The following SYT7 variants were observed in gnomAD, a reference collection of about 807,000 sequenced individuals.
SYT7 encodes synaptotagmin 7, also known as synaptotagmin-7.
A neutral mutation model predicts 75.1 loss-of-function variants in SYT7; 29 were observed. The ratio of observed to expected loss-of-function variants is 0.39; its 90% confidence interval spans 0.29 to 0.53. The LOEUF (loss-of-function observed/expected upper bound fraction) is 0.53, where lower values mean the gene tolerates loss of function less well. Ranked by LOEUF, SYT7 falls within the 20% of genes least tolerant of loss-of-function variation. The pLI is 0.77. For synonymous variants in SYT7, 376 were observed against 401.7 expected (o/e 0.94, Z 0.76); for missense variants, 693 against 953.2 (o/e 0.73, Z 3.59).
Position 61,580,436 on chromosome 11 carries a change from C to T in SYT7, c.31+354G>A, listed in dbSNP as rs554704449. On this transcript the variant is annotated intron_variant, in intron 1 of 12. Transcript: ENST00000539008. This position sits in a 1 kb window ranked among gnomAD's most constrained non-coding sequence, Gnocchi z 6.1. ...CGCTGGCACCCCCGGGGCACCGGTG[C>T]TGGGGAGCCTCGGGTGCCTCTGAGG... Among the ~76,000 whole-genome samples the T allele has an allele frequency of 1.1e-3, 174 of 152,194 alleles. No homozygotes were observed. The highest frequency in any genetic ancestry group is 4.0e-3 in the African/African-American group (168 of 41,550).
chr11:61,580,303 C>T lies in SYT7; in HGVS notation c.31+487G>A, dbSNP rs977894089. ...GCTGCCGCACCAGATTCCCACTTGC[C>T]CCCTGGCACCCTCTCAATTCACAGT... On this transcript the variant is annotated intron_variant, in intron 1 of 12. Transcript: ENST00000539008. This position sits in a 1 kb window ranked among gnomAD's most constrained non-coding sequence, Gnocchi z 6.1. Among the ~76,000 whole-genome samples, 2 of 152,132 alleles carry T rather than the reference C, an allele frequency of 1.3e-5. No individual in the cohort carries two copies. Among genetic ancestry groups the T allele is most frequent in the African/African-American group, 2.4e-5 (1 of 41,436 alleles).
rs115692842 is a variant in SYT7 at position 61,565,672 on chromosome 11, C to T, written c.32-9465G>A. Among the ~76,000 whole-genome samples the T allele has an allele frequency of 7.7e-3, 1,171 of 152,366 alleles. 20 individuals are homozygous for T. The highest frequency in any genetic ancestry group is 0.027 in the African/African-American group (1,131 of 41,586). On this transcript the variant is annotated intron_variant, in intron 1 of 12. Coordinates refer to ENST00000539008, the MANE Select transcript of SYT7 (RefSeq NM_001365809.2). ...AAGCTGGGCCTTGGACCTACCCCCA[C>T]CCCATGCCCTCCGGACATTCTCTGA...
chr11:61,521,501 G>A (rs972533678), intron 12 of SYT7, among the ~76,000 whole-genome samples: 19 of 152,198 alleles, frequency 1.2e-4, no homozygotes, highest in Non-Finnish European at 2.4e-4. Context: ...GAGTGGCAAT[G>A]TCCTGGGGAG....
intron 1 of SYT7, among the ~76,000 whole-genome samples, chr11:61,573,376 C>T (rs900797355): frequency 2.0e-5 from 3 of 152,190 alleles, no homozygotes; most frequent in Non-Finnish European, 2.9e-5. Context: ...CCCTTACTGC[C>T]TATAATCTGC....
chr11:61,556,308 C>T, intron 1 of SYT7, 101 bp from the exon 2 acceptor site: 1 of 927,236 alleles, frequency 1.1e-6, no homozygotes, highest in South Asian at 1.6e-5. Flanking sequence ...TCCATCTGGC[C>T]CCTTCACTGG....
At position 61,553,640 on chromosome 11, in the gene SYT7, G is replaced by A. The variant is rs184789040; in HGVS notation, c.136-2177C>T. On this transcript the variant is annotated intron_variant, in intron 2 of 12. Transcript: ENST00000539008. This position sits in a 1 kb window ranked among gnomAD's most constrained non-coding sequence, Gnocchi z 5.2. ...AGGCCAGGACTTGATGTGGAGGGCAGGGGGACAACCCAAGTTAACAGGAAA... is the reference window on the plus strand; with the variant it reads ...AGGCCAGGACTTGATGTGGAGGGCAAGGGGACAACCCAAGTTAACAGGAAA... 1.3e-5 allele frequency among the ~76,000 whole-genome samples: 2 copies of A among 152,374 alleles called. No homozygotes were observed. Among genetic ancestry groups the A allele is most frequent in the Admixed American group, 6.5e-5 (1 of 15,306 alleles).
chr11:61,571,051 T>C (rs1391734474), intron 1 of SYT7, among the ~76,000 whole-genome samples: 1 of 152,240 alleles, frequency 6.6e-6, no homozygotes, highest in Non-Finnish European at 1.5e-5. Flanking sequence ...TTAAGTCAGT[T>C]GCCCAAGGCC....
At chr11:61,537,988 T>C (rs2062918276) in intron 7 of SYT7, among the ~76,000 whole-genome samples, 156 bp downstream of exon 7, 1 of 152,244 alleles carries the variant, frequency 6.6e-6, no homozygotes, top group Admixed American at 6.5e-5. Context: ...TGGCAGTGCG[T>C]GAGGGCACCG....
chr11:61,538,346 G>GA (rs2062932844), intron 6 of SYT7, 80 bp from the exon 7 acceptor site: 22 of 203,212 alleles, frequency 1.1e-4, no homozygotes, highest in Admixed American at 1.7e-4. Flanking sequence ...GGAGAGAGAG[G>GA]GAGAGAGAGA....
intron 8 of SYT7, chr11:61,530,880 C>T: frequency 2.0e-6 from 2 of 985,426 alleles, no homozygotes; most frequent in Non-Finnish European, 2.4e-6. Context: ...AGGTTGGCCA[C>T]CCCATCACAG....
Position 61,546,750 on chromosome 11 carries a change from A to C in SYT7, c.347+427T>G. On this transcript the variant is annotated intron_variant, in intron 4 of 12. Coordinates refer to ENST00000539008, the MANE Select transcript of SYT7 (RefSeq NM_001365809.2). This position sits in a 1 kb window ranked among gnomAD's most constrained non-coding sequence, Gnocchi z 7.6. Reference sequence around the variant, plus strand: ...CACCACCACCACCATCACCGCCACCACCGCCACGAACCACCGACCACCGAC... The same window carrying C: ...CACCACCACCACCATCACCGCCACCCCCGCCACGAACCACCGACCACCGAC... 1 of 418,702 alleles carries C rather than the reference A, an allele frequency of 2.4e-6. No homozygotes were observed. The highest frequency in any genetic ancestry group is 4.8e-6 in the Non-Finnish European group (1 of 209,708). The allele number at this position is 418,702 out of a possible 1,614,324, so 25.9% of individuals were successfully genotyped here. A position where few individuals can be genotyped will look rare whatever the true frequency, so the allele number is the denominator to read the frequency against.
intron 3 of SYT7, among the ~76,000 whole-genome samples, chr11:61,548,120 C>T (rs1338756654): frequency 6.6e-6 from 1 of 152,264 alleles, no homozygotes; most frequent in African/African-American, 2.4e-5. Context: ...GGTCACCCCA[C>T]TCCCCTGAAA....
chr11:61,571,395 T>C (rs56985721), intron 1 of SYT7, among the ~76,000 whole-genome samples: 13,916 of 152,246 alleles, frequency 0.091, 1,475 homozygotes, highest in African/African-American at 0.26. Context: ...CAGAACAAGC[T>C]GACTCTAGCA....
intron 1 of SYT7, among the ~76,000 whole-genome samples, chr11:61,575,650 G>A (rs2064051704): frequency 1.3e-5 from 2 of 152,198 alleles, no homozygotes; most frequent in Non-Finnish European, 2.9e-5. Flanking sequence ...CAGGGGGTAG[G>A]CAGGGTCCCT....
intron 1 of SYT7, among the ~76,000 whole-genome samples, chr11:61,578,862 G>A (rs916330631): frequency 6.6e-5 from 10 of 152,234 alleles, no homozygotes; most frequent in African/African-American, 2.4e-4. Flanking sequence ...TCCCGCAGCT[G>A]CAACTGGGGT....
chr11:61,570,461 A>G lies in SYT7; in HGVS notation c.31+10329T>C, dbSNP rs79477334. Among the ~76,000 whole-genome samples the G allele has an allele frequency of 3.3e-3, 495 of 152,298 alleles. 5 individuals are homozygous for G. The highest frequency in any genetic ancestry group is 0.012 in the African/African-American group (478 of 41,550). On this transcript the variant is annotated intron_variant, in intron 1 of 12. Transcript: ENST00000539008. ...GTGTGCCAGCCACTTAAGACATTAC[A>G]TGCAGGATCTCATTTGATCCCAACA...
At chr11:61,527,058 C>T (rs1244633726) in intron 9 of SYT7, among the ~76,000 whole-genome samples, 1 of 152,168 alleles carries the variant, frequency 6.6e-6, no homozygotes, top group Non-Finnish European at 1.5e-5. Context: ...ATAGAAATCA[C>T]TCCTTAATCA....
intron 1 of SYT7, among the ~76,000 whole-genome samples, chr11:61,562,329 T>C (rs1245886403): frequency 1.3e-5 from 2 of 152,204 alleles, no homozygotes; most frequent in Non-Finnish European, 2.9e-5. Context: ...CTGGCTCTGA[T>C]TCTTCCAAGC....
rs572825349 is a variant in SYT7, at chr11:61,514,491, T to G, written c.*4136A>C. On this transcript the variant is annotated 3_prime_UTR_variant, in exon 13 of 13. Coordinates refer to ENST00000539008, the MANE Select transcript of SYT7 (RefSeq NM_001365809.2). Reference sequence around the variant, plus strand: ...GGGCAGGGGCCAGCAGGTGGACACATGACAATGGGGATGTGCTCGTTCCTT... The same window carrying G: ...GGGCAGGGGCCAGCAGGTGGACACAGGACAATGGGGATGTGCTCGTTCCTT... Among the ~76,000 whole-genome samples the G allele has an allele frequency of 6.6e-6, 1 of 152,278 alleles. No individual in the cohort carries two copies. Among genetic ancestry groups the G allele is most frequent in the South Asian group, 2.1e-4 (1 of 4,822 alleles).
Sources: gnomAD v4.1 joint callset for allele counts (sites outside exome capture counted in the v4.1 genomes callset) on GRCh38, gnomAD v4.1.1 for gene constraint, Gnocchi (gnomAD v3.1) non-coding constraint, MANE v1.5 for transcripts, NCBI Gene and HGNC (gene_info 2026-07-23, HGNC 2026-07-21) for gene names.